Variants in ADAMTS12 observed in about 807,000 individuals in gnomAD.
The protein encoded by ADAMTS12 is A disintegrin and metalloproteinase with thrombospondin motifs 12.
In ADAMTS12, 118 loss-of-function variants were observed where a neutral mutation model predicts 167.8. That is an observed-to-expected ratio of 0.70 (90% confidence interval 0.61 to 0.82). The LOEUF (loss-of-function observed/expected upper bound fraction) is 0.82, where lower values mean the gene tolerates loss of function less well. ADAMTS12 is among the 40% of genes least tolerant of loss of function. The pLI, the probability that ADAMTS12 is intolerant of heterozygous loss-of-function variation, is 0.00. For missense variants in ADAMTS12, 1,916 were observed against 1,998.8 expected (o/e 0.96, Z 0.79); for synonymous variants, 704 against 716.9 (o/e 0.98, Z 0.29).
chr5:33,736,665 G>A (rs1321153679), intron 3 of ADAMTS12, among the ~76,000 whole-genome samples: 1 of 152,164 alleles, frequency 6.6e-6, no homozygotes, highest in East Asian at 1.9e-4. Context: ...ACCACTGTCG[G>A]GTTTTTCAAT....
intron 2 of ADAMTS12, among the ~76,000 whole-genome samples, chr5:33,877,292 G>A (rs183388474): frequency 6.6e-6 from 1 of 152,340 alleles, no homozygotes; most frequent in African/African-American, 2.4e-5. Context: ...CAGAGGATAA[G>A]TGCTTAGCAG....
intron 3 of ADAMTS12, among the ~76,000 whole-genome samples, chr5:33,692,465 AG>A (rs1213748027): frequency 6.6e-6 from 1 of 152,232 alleles, no homozygotes; most frequent in African/African-American, 2.4e-5. Flanking sequence ...TGAATAGAAG[AG>A]GGCTGTTTTG....
intron 2 of ADAMTS12, among the ~76,000 whole-genome samples, chr5:33,824,540 C>T (rs1296767108): frequency 2.6e-5 from 4 of 152,136 alleles, no homozygotes; most frequent in African/African-American, 9.6e-5. Flanking sequence ...AGAATAGATT[C>T]CTCCACTCTA....
chr5:33,631,010 T>A, intron 12 of ADAMTS12, 97 bp from the exon 13 acceptor site: 1 of 1,443,026 alleles, frequency 6.9e-7, no homozygotes, highest in Non-Finnish European at 9.4e-7. Flanking sequence ...AAGTGTCATT[T>A]ACTCTGGCAA....
chr5:33,696,421 A>AC (rs11416990), intron 3 of ADAMTS12, among the ~76,000 whole-genome samples: 16 of 316 alleles, frequency 0.051, no homozygotes, highest in Admixed American at 0.38. Flanking sequence ...ACTCCGTCTC[A>AC]AAAAAAAAAA....
At chr5:33,632,409 A>C (rs558034067) in intron 12 of ADAMTS12, among the ~76,000 whole-genome samples, 1 of 152,252 alleles carries the variant, frequency 6.6e-6, no homozygotes, top group East Asian at 1.9e-4. Context: ...ACAAACAAAC[A>C]AACAAAAAAG....
intron 3 of ADAMTS12, among the ~76,000 whole-genome samples, chr5:33,688,873 G>T (rs1478242115): frequency 2.6e-5 from 4 of 152,026 alleles, no homozygotes; most frequent in African/African-American, 9.7e-5. Context: ...AAGGATTTCT[G>T]CCCAGCCCAC....
intron 7 of ADAMTS12, among the ~76,000 whole-genome samples, chr5:33,651,012 T>C (rs1440060179): frequency 6.6e-6 from 1 of 152,202 alleles, no homozygotes; most frequent in African/African-American, 2.4e-5. Context: ...TCATGCATTA[T>C]GGTATTATCA....
intron 18 of ADAMTS12, among the ~76,000 whole-genome samples, chr5:33,586,811 C>A (rs1434775570): frequency 6.6e-6 from 1 of 152,148 alleles, no homozygotes; most frequent in African/African-American, 2.4e-5. Context: ...GCAGGCCAAC[C>A]AAATGCCGTG....
intron 1 of ADAMTS12, among the ~76,000 whole-genome samples, chr5:33,883,315 G>GT (rs1561327301): frequency 7.3e-6 from 1 of 136,724 alleles, no homozygotes; most frequent in Non-Finnish European, 1.6e-5. Context: ...TTGTTTGTTT[G>GT]GTTTTTTTTT....
chr5:33,583,860 C>T (rs1374243854), intron 18 of ADAMTS12, among the ~76,000 whole-genome samples: 1 of 152,058 alleles, frequency 6.6e-6, no homozygotes, highest in Non-Finnish European at 1.5e-5. Context: ...TGAAGTTATT[C>T]ACTGAGGGTA....
At chr5:33,863,885 C>T (rs1414031325) in intron 2 of ADAMTS12, among the ~76,000 whole-genome samples, 1 of 152,120 alleles carries the variant, frequency 6.6e-6, no homozygotes, top group Admixed American at 6.5e-5. Flanking sequence ...GAACAGAGGC[C>T]TCAGAAATAA....
rs771578518 is a variant in ADAMTS12 at position 33,616,027 on chromosome 5, C to G, written c.2189G>C (p.Arg730Thr). The change falls in exon 15 of 24, where the codon AGA (arginine) becomes ACA (threonine). Residue 730 changes from arginine to threonine, a missense_variant. Physicochemically the swap from Arg to Thr is moderately conservative, Grantham distance 71. Coordinates refer to ENST00000504830, the MANE Select transcript of ADAMTS12 (RefSeq NM_030955.4). The stretch of plus-strand genomic sequence containing the variant: ...TCCAGCTCCCTCAATTTCCATCACT[C>G]TTATGTCCCTTGCTCCTTTTGGAAT... ...GLIPKGARDI[R>T]VMEIEGAGNF... is the part of the protein sequence containing the mutation. 7 of 1,614,192 alleles carry G rather than the reference C, an allele frequency of 4.3e-6. No homozygotes were observed. Among genetic ancestry groups the G allele is most frequent in the Non-Finnish European group, 5.9e-6 (7 of 1,180,012 alleles).
At chr5:33,532,916 G>T (rs2111742678) in intron 23 of ADAMTS12, among the ~76,000 whole-genome samples, 1 of 152,294 alleles carries the variant, frequency 6.6e-6, no homozygotes, top group East Asian at 1.9e-4. Context: ...TGGTCAGGGT[G>T]GGTGGCTGGT....
At chr5:33,791,326 T>C (rs1335383916) in intron 2 of ADAMTS12, among the ~76,000 whole-genome samples, 1 of 152,226 alleles carries the variant, frequency 6.6e-6, no homozygotes, top group East Asian at 1.9e-4. Context: ...TCTGTAATGC[T>C]AGGCAAGTCA....
chr5:33,627,897 T>C (rs890998644), intron 13 of ADAMTS12, among the ~76,000 whole-genome samples: 3 of 152,098 alleles, frequency 2.0e-5, no homozygotes, highest in African/African-American at 7.2e-5. Flanking sequence ...AGTGGGAAGA[T>C]TGTCAGGTAA....
intron 3 of ADAMTS12, among the ~76,000 whole-genome samples, chr5:33,686,383 G>T (rs186351324): frequency 6.6e-6 from 1 of 152,302 alleles, no homozygotes; most frequent in African/African-American, 2.4e-5. Flanking sequence ...ACCGTTAGGT[G>T]CTAGCAGGAA....
At chr5:33,881,511 G>A (rs1466506629) in intron 1 of ADAMTS12, 31 bp from the exon 2 acceptor site, 4 of 1,594,436 alleles carry the variant, frequency 2.5e-6, no homozygotes, top group East Asian at 2.2e-5. Flanking sequence ...GAAGAACAGT[G>A]AGGGAGATTG....
chr5:33,883,343 T>G (rs55985415), intron 1 of ADAMTS12, among the ~76,000 whole-genome samples: 30,920 of 127,210 alleles, frequency 0.24, 3,043 homozygotes, highest in Middle Eastern at 0.34. Context: ...TTTTTTTTTG[T>G]TTTTTTTTTT....
Sources: allele counts gnomAD v4.1 joint callset (sites outside exome capture counted in the v4.1 genomes callset), GRCh38; gene constraint gnomAD v4.1.1; transcripts MANE v1.5; gene names NCBI Gene and HGNC (gene_info 2026-07-23, HGNC 2026-07-21).